PRKD1: variants seen among roughly 807,000 people sequenced by gnomAD.
PRKD1 encodes the protein protein kinase D1, also known as serine/threonine-protein kinase D1.
In PRKD1, 63 loss-of-function variants were observed where a neutral mutation model predicts 95.9. The ratio of observed to expected loss-of-function variants is 0.66; its 90% CI spans 0.54 to 0.81. The LOEUF is 0.81. Ranked by LOEUF, PRKD1 falls within the 30% of genes least tolerant of loss-of-function variation. The probability of loss-of-function intolerance (pLI) is 0.00; values close to 1 mark genes in which losing one functional copy is unlikely to be tolerated. For synonymous variants in PRKD1, 425 were observed against 423.1 expected, an observed-to-expected ratio of 1.00 and a Z score of -0.05; for missense variants, 1,048 against 1,165.3, an observed-to-expected ratio of 0.90 and a Z score of 1.47.
intron 1 of PRKD1, among the ~76,000 whole-genome samples, chr14:29,808,073 T>A (rs1390189565): frequency 2.0e-5 from 3 of 152,144 alleles, no homozygotes; most frequent in Non-Finnish European, 4.4e-5. Context: ...CGGTTGACTC[T>A]TCATGAAAGA....
chr14:29,656,475 C>T (rs1881847176), intron 4 of PRKD1: 1 of 1,535,174 alleles, frequency 6.5e-7, no homozygotes, highest in Non-Finnish European at 8.7e-7. Context: ...TTAGTACCTA[C>T]CTCAAAGCCA....
In PRKD1 at chr14:29,871,310, T is replaced by C. The variant is rs1051627663; in HGVS notation, c.264+55939A>G. ...ACCTTCCTCTTCTAAACTACAAAAG[T>C]GATAATATAATTTTTTAGGATAAAA... On this transcript the variant is annotated intron_variant, in intron 1 of 17. Coordinates refer to ENST00000331968, the MANE Select transcript of PRKD1 (RefSeq NM_002742.3). Among the ~76,000 whole-genome samples, 11 of 152,316 alleles carry C rather than the reference T, an allele frequency of 7.2e-5. No homozygotes were observed. In the South Asian group the frequency reaches 1.7e-3, roughly 23 times the overall value.
intron 1 of PRKD1, among the ~76,000 whole-genome samples, chr14:29,846,639 T>C (rs774089498): frequency 3.9e-5 from 6 of 152,202 alleles, no homozygotes; most frequent in Non-Finnish European, 5.9e-5. Flanking sequence ...AGAAGGTTTA[T>C]AGCAGAGCAG....
At chr14:29,829,960 C>G (rs1173881567) in intron 1 of PRKD1, among the ~76,000 whole-genome samples, 1 of 152,112 alleles carries the variant, frequency 6.6e-6, no homozygotes, top group Non-Finnish European at 1.5e-5. Flanking sequence ...AATGAAGTAG[C>G]AATGTTTTGT....
In PRKD1 at chr14:29,658,695, A is replaced by C. The variant is rs186722793; in HGVS notation, c.696+5004T>G. On this transcript the variant is annotated intron_variant, in intron 4 of 17. Transcript: ENST00000331968. ...TTTTGTTTGGTTTTTCCCTTAAAGG[A>C]AGATCATATAATTACAGTTTTGTAT... Among the ~76,000 whole-genome samples, 11 of 152,304 alleles carry C rather than the reference A, an allele frequency of 7.2e-5. 1 individual carries two copies. In the East Asian group the frequency reaches 1.5e-3, roughly 21 times the overall value.
intron 1 of PRKD1, among the ~76,000 whole-genome samples, chr14:29,882,871 G>A (rs1456284717): frequency 6.6e-6 from 1 of 152,178 alleles, no homozygotes; most frequent in Non-Finnish European, 1.5e-5. Flanking sequence ...GTGTGTGTGT[G>A]TGTGCACGTG....
chr14:29,719,099 T>C (rs1001138039), intron 2 of PRKD1, among the ~76,000 whole-genome samples: 27 of 152,088 alleles, frequency 1.8e-4, no homozygotes, highest in African/African-American at 6.5e-4. Context: ...TACCATATTT[T>C]TTTTCCTGGT....
In PRKD1 at chr14:29,927,549, G is replaced by A; in HGVS notation, c.-37C>T. ...GCGCAGGGCCGGGCAGCGGAGGGCGGGGGCTGGCGGCGCGGCAGCAGGAAA... is the reference window on the plus strand; with the variant it reads ...GCGCAGGGCCGGGCAGCGGAGGGCGAGGGCTGGCGGCGCGGCAGCAGGAAA... On this transcript the variant is annotated 5_prime_UTR_variant, in exon 1 of 18. Coordinates refer to ENST00000331968, the MANE Select transcript of PRKD1 (RefSeq NM_002742.3). 8.8e-7 allele frequency: 1 copy of A among 1,135,782 alleles called. No homozygotes were observed. The allele number at this position is 1,135,782 out of a possible 1,614,324, so 70.4% of individuals were successfully genotyped here.
At chr14:29,820,730 A>G (rs1890878541) in intron 1 of PRKD1, among the ~76,000 whole-genome samples, 1 of 152,236 alleles carries the variant, frequency 6.6e-6, no homozygotes, top group Non-Finnish European at 1.5e-5. Context: ...GAACCACAAG[A>G]CAATCCTGTG....
chr14:29,725,501 T>A, intron 2 of PRKD1, 35 bp downstream of exon 2: 1 of 1,592,768 alleles, frequency 6.3e-7, no homozygotes, highest in South Asian at 1.1e-5. Context: ...CAACTTCTAA[T>A]CTACGGATAA....
At chr14:29,779,200 G>T (rs541245084) in intron 1 of PRKD1, among the ~76,000 whole-genome samples, 6 of 152,008 alleles carry the variant, frequency 3.9e-5, no homozygotes, top group Non-Finnish European at 8.8e-5. Context: ...GGGCAAAAAC[G>T]GGAAGCGTTC....
At chr14:29,902,753 T>C (rs1336691994) in intron 1 of PRKD1, among the ~76,000 whole-genome samples, 1 of 152,234 alleles carries the variant, frequency 6.6e-6, no homozygotes, top group Non-Finnish European at 1.5e-5. Flanking sequence ...TATTAGTAGT[T>C]CGTTATTTAA....
At chr14:29,801,359 A>G (rs1046415906) in intron 1 of PRKD1, among the ~76,000 whole-genome samples, 1 of 152,188 alleles carries the variant, frequency 6.6e-6, no homozygotes, top group African/African-American at 2.4e-5. Flanking sequence ...TTTAATCAAG[A>G]ACTGGCCTCC....
At chr14:29,584,156 A>C (rs1892838278) in intron 16 of PRKD1, among the ~76,000 whole-genome samples, 5 of 152,218 alleles carry the variant, frequency 3.3e-5, no homozygotes, top group Non-Finnish European at 1.5e-5. Flanking sequence ...TTCCATCAGA[A>C]TATGATATAG....
intron 1 of PRKD1, among the ~76,000 whole-genome samples, chr14:29,816,441 A>C (rs137881382): frequency 0.015 from 2,244 of 152,298 alleles, 52 homozygotes; most frequent in African/African-American, 0.052. Context: ...ATTGTTTTTA[A>C]AAATGTTTTA....
intron 1 of PRKD1, among the ~76,000 whole-genome samples, chr14:29,795,302 C>T (rs1176266462): frequency 6.6e-6 from 1 of 151,806 alleles, no homozygotes; most frequent in East Asian, 1.9e-4. Flanking sequence ...TTTATATACA[C>T]CTATTTAATT....
intron 1 of PRKD1, among the ~76,000 whole-genome samples, chr14:29,809,602 A>C (rs966337737): frequency 1.3e-5 from 2 of 152,172 alleles, no homozygotes; most frequent in Non-Finnish European, 2.9e-5. Context: ...TTATGAAACA[A>C]ACTCTGTTAG....
intron 2 of PRKD1, among the ~76,000 whole-genome samples, chr14:29,717,843 G>A (rs921092852): frequency 2.0e-5 from 3 of 152,092 alleles, no homozygotes; most frequent in African/African-American, 4.8e-5. Flanking sequence ...CAGTTGACCT[G>A]GACAGAATTT....
At chr14:29,773,994 T>C (rs1030933391) in intron 1 of PRKD1, among the ~76,000 whole-genome samples, 1 of 152,196 alleles carries the variant, frequency 6.6e-6, no homozygotes, top group Non-Finnish European at 1.5e-5. Flanking sequence ...TTACATGTCA[T>C]AAACGTTGGA....
Sources: gnomAD v4.1 joint callset for allele counts (sites outside exome capture counted in the v4.1 genomes callset) on GRCh38, gnomAD v4.1.1 for gene constraint, MANE v1.5 for transcripts, NCBI Gene and HGNC (gene_info 2026-07-23, HGNC 2026-07-21) for gene names.